The following PVT1 variants were observed in gnomAD, a reference collection of about 807,000 sequenced individuals.
PVT1 encodes the protein Pvt1 oncogene.
rs766770221 is a variant in PVT1 at position 128,048,037 on chromosome 8, C to T, written n.913-22123C>T. Among the ~76,000 whole-genome samples, 8 of 152,308 alleles carry T rather than the reference C, an allele frequency of 5.3e-5. No individual in the cohort carries two copies. The South Asian group carries it at 1.7e-3, about 32-fold the overall frequency. ...TAGAACACTGTGTGGAGTATGCTAA[C>T]AGCTACACACTAATGCACAGCCACC... On this transcript the variant is annotated intron_variant and non_coding_transcript_variant, in intron 4 of 10. Coordinates refer to ENST00000651587, the Ensembl canonical transcript of PVT1.
chr8:128,013,941 A>G (rs1252785375), intron 4 of PVT1, among the ~76,000 whole-genome samples: 2 of 152,238 alleles, frequency 1.3e-5, no homozygotes, highest in Non-Finnish European at 2.9e-5. Flanking sequence ...CTGGAGTCAC[A>G]AAAGACCTTT....
chr8:128,038,736 T>C (rs1813493690), intron 4 of PVT1, among the ~76,000 whole-genome samples: 1 of 152,150 alleles, frequency 6.6e-6, no homozygotes, highest in Non-Finnish European at 1.5e-5. Context: ...GTCTTGCTAA[T>C]TGAGAGGGAT....
At chr8:127,916,619 T>C (rs142656500) in intron 3 of PVT1, among the ~76,000 whole-genome samples, 7 of 152,266 alleles carry the variant, frequency 4.6e-5, no homozygotes, top group Non-Finnish European at 8.8e-5. Flanking sequence ...GCATTTTCTC[T>C]CATAGTAGGA....
At chr8:127,973,720 T>A (rs987382176) in intron 3 of PVT1, among the ~76,000 whole-genome samples, 7 of 143,294 alleles carry the variant, frequency 4.9e-5, no homozygotes, top group African/African-American at 1.8e-4. Flanking sequence ...GGCTCACACC[T>A]GTAATCCCAG....
chr8:127,817,860 T>C (rs942422097), intron 2 of PVT1, among the ~76,000 whole-genome samples: 7 of 152,058 alleles, frequency 4.6e-5, no homozygotes, highest in Non-Finnish European at 8.8e-5. Flanking sequence ...TGACACCTTG[T>C]CTCAGAAAAA....
At chr8:128,031,484 G>A (rs1435967304) in intron 4 of PVT1, among the ~76,000 whole-genome samples, 1 of 152,172 alleles carries the variant, frequency 6.6e-6, no homozygotes, top group Non-Finnish European at 1.5e-5. Flanking sequence ...AGGGCCCCTG[G>A]TATTGCGTAC....
At chr8:128,059,321 G>A (rs531832321) in intron 4 of PVT1, among the ~76,000 whole-genome samples, 1 of 152,276 alleles carries the variant, frequency 6.6e-6, no homozygotes, top group South Asian at 2.1e-4. Flanking sequence ...GCTGGGCAGG[G>A]CAGTTGACTA....
At chr8:128,044,432 A>G (rs1361925246) in intron 4 of PVT1, among the ~76,000 whole-genome samples, 1 of 152,182 alleles carries the variant, frequency 6.6e-6, no homozygotes, top group African/African-American at 2.4e-5. Flanking sequence ...ATAAGTCTCT[A>G]TTTTGGAGAT....
At chr8:128,069,858 C>A (rs1206112858) in intron 4 of PVT1, among the ~76,000 whole-genome samples, 1 of 152,046 alleles carries the variant, frequency 6.6e-6, no homozygotes, top group Non-Finnish European at 1.5e-5. Context: ...ATTATGAATG[C>A]CTTCTTTGTT....
At chr8:127,828,462 T>C (rs1325862536) in intron 2 of PVT1, among the ~76,000 whole-genome samples, 2 of 152,182 alleles carry the variant, frequency 1.3e-5, no homozygotes, top group Non-Finnish European at 2.9e-5. Context: ...CCTTTTCTCT[T>C]CTTGGAAGCA....
At chr8:127,892,366 G>C (rs1183419400) in intron 3 of PVT1, among the ~76,000 whole-genome samples, 1 of 152,204 alleles carries the variant, frequency 6.6e-6, no homozygotes, top group African/African-American at 2.4e-5. Context: ...CACATACATA[G>C]TAGGCATTTT....
At chr8:128,035,438 G>C (rs895935740) in intron 4 of PVT1, among the ~76,000 whole-genome samples, 1 of 152,112 alleles carries the variant, frequency 6.6e-6, no homozygotes, top group Non-Finnish European at 1.5e-5. Flanking sequence ...CACACTTTGT[G>C]GGGGGCCAAG....
intron 2 of PVT1, among the ~76,000 whole-genome samples, chr8:127,809,029 C>CAAAAAAAAAAA (rs1158760672): frequency 1.7e-3 from 49 of 28,256 alleles, no homozygotes; most frequent in Non-Finnish European, 2.0e-3. Flanking sequence ...GATTCCATCT[C>CAAAAAAAAAAA]AAAAAAAAAA....
intron 2 of PVT1, among the ~76,000 whole-genome samples, chr8:127,879,518 G>C (rs1815441032): frequency 6.6e-6 from 1 of 152,174 alleles, no homozygotes; most frequent in Non-Finnish European, 1.5e-5. Context: ...GACAGAGCAA[G>C]ACTCTATCTC....
At chr8:128,048,390 C>T (rs576250670) in intron 4 of PVT1, 7 of 152,366 alleles carry the variant, frequency 4.6e-5, no homozygotes, top group African/African-American at 1.7e-4. Context: ...CTATCCCTGG[C>T]CTCCCGTCCT....
intron 4 of PVT1, among the ~76,000 whole-genome samples, chr8:128,056,876 T>C (rs937066526): frequency 6.6e-6 from 1 of 152,226 alleles, no homozygotes; most frequent in Non-Finnish European, 1.5e-5. Context: ...GTATCTTCTT[T>C]ACTCTCTGGT....
At position 127,827,764 on chromosome 8, in the gene PVT1, G is replaced by A. The variant is rs185049084; in HGVS notation, n.372+31693G>A. Among the ~76,000 whole-genome samples the A allele has an allele frequency of 1.2e-3, 189 of 152,242 alleles. 1 individual carries two copies. The highest frequency in any genetic ancestry group is 4.3e-3 in the African/African-American group (180 of 41,552). On this transcript the variant is annotated intron_variant and non_coding_transcript_variant, in intron 2 of 10. Transcript: ENST00000651587. ...GGCCCCAGACCATGAGTCTTGAGTT[G>A]AGTTCTGCAGGAGCATCTTGCTGGG...
At chr8:128,037,656 T>G (rs1163642519) in intron 4 of PVT1, among the ~76,000 whole-genome samples, 14 of 152,160 alleles carry the variant, frequency 9.2e-5, no homozygotes, top group Admixed American at 9.2e-4. Flanking sequence ...TCTCTGCCCT[T>G]GCTGAGAAGC....
At chr8:128,090,274 C>T (rs1814334057) in intron 5 of PVT1, among the ~76,000 whole-genome samples, 1 of 152,220 alleles carries the variant, frequency 6.6e-6, no homozygotes. Context: ...GCAAGACTGT[C>T]TTTACCTGCC....
Sources: gnomAD v4.1 joint callset for allele counts (sites outside exome capture counted in the v4.1 genomes callset) on GRCh38, gnomAD v4.1.1 for gene constraint, MANE v1.5 for transcripts, NCBI Gene and HGNC (gene_info 2026-07-23, HGNC 2026-07-21) for gene names.